The following ZNF45 variants were observed in gnomAD, a reference collection of about 807,000 sequenced individuals.
ZNF45 encodes zinc finger protein 45.
In ZNF45, 4 loss-of-function variants were observed where a neutral mutation model predicts 12.0. The observed-to-expected ratio is 0.33, with a 90% CI of 0.16 to 0.76. The LOEUF is 0.76. Ranked by LOEUF, ZNF45 falls within the 30% of genes least tolerant of loss-of-function variation. The pLI, the probability that ZNF45 is intolerant of heterozygous loss-of-function variation, is 0.60. For synonymous variants in ZNF45, 272 were observed against 279.6 expected (o/e 0.97, Z 0.27); for missense variants, 700 against 813.0 (o/e 0.86, Z 1.69).
intron 3 of ZNF45, among the ~76,000 whole-genome samples, chr19:43,928,123 G>A (rs897894841): frequency 6.8e-6 from 1 of 146,906 alleles, no homozygotes; most frequent in African/African-American, 2.5e-5. Context: ...CAAGCTTGTG[G>A]TGAGCCAAGA....
intron 7 of ZNF45, among the ~76,000 whole-genome samples, chr19:43,921,226 A>G (rs563154641): frequency 6.6e-6 from 1 of 152,334 alleles, no homozygotes; most frequent in East Asian, 1.9e-4. Context: ...ACAATTCTAC[A>G]GTCTTGTTTC....
At position 43,913,443 on chromosome 19, in the gene ZNF45, C is replaced by T. The variant is rs535298147; in HGVS notation, c.1993G>A (p.Asp665Asn). The T allele has an allele frequency of 5.0e-6, 8 of 1,592,832 alleles. No individual in the cohort carries two copies. In the East Asian group the frequency reaches 6.7e-5, roughly 13 times the overall value. Residue 665 changes from aspartate to asparagine, a missense_variant, in exon 10 of 10, where the codon GAT becomes AAT. Asp to Asn is a conservative substitution (Grantham distance 23). Coordinates refer to ENST00000269973, the MANE Select transcript of ZNF45 (RefSeq NM_003425.4). Reference protein sequence around the residue: ...LIIHQRVHADDEGDKDFPSSE... With the variant: ...LIIHQRVHADNEGDKDFPSSE... Reference sequence around the variant, plus strand: ...GAAGGAAAGTCCTTGTCACCCTCATCATCAGCATGGACTCGCTGATGAATG... The same window carrying T: ...GAAGGAAAGTCCTTGTCACCCTCATTATCAGCATGGACTCGCTGATGAATG...
At chr19:43,925,016 A>G (rs570783381) in intron 4 of ZNF45, 3 of 152,280 alleles carry the variant, frequency 2.0e-5, no homozygotes, top group African/African-American at 7.2e-5. Context: ...TTGAAGCCCT[A>G]ATGTGATGTT....
intron 3 of ZNF45, chr19:43,926,678 G>A (rs1973704497): frequency 6.6e-6 from 1 of 152,172 alleles, no homozygotes; most frequent in African/African-American, 2.4e-5. Flanking sequence ...GCATCCTTTA[G>A]CGGCATGAGG....
chr19:43,929,516 T>C (rs1973955750), intron 3 of ZNF45, among the ~76,000 whole-genome samples: 1 of 152,206 alleles, frequency 6.6e-6, no homozygotes, highest in Admixed American at 6.5e-5. Flanking sequence ...CCCCAGTTCC[T>C]TTCTCTGTCT....
chr19:43,925,932 C>CTG (rs1568460364), intron 3 of ZNF45, among the ~76,000 whole-genome samples: 1 of 152,206 alleles, frequency 6.6e-6, no homozygotes, highest in Non-Finnish European at 1.5e-5. Flanking sequence ...CACACCCAGC[C>CTG]TGAAATACTC....
intron 9 of ZNF45, among the ~76,000 whole-genome samples, chr19:43,916,813 C>G (rs534886456): frequency 2.9e-4 from 44 of 152,152 alleles, no homozygotes; most frequent in Non-Finnish European, 5.0e-4. Context: ...AAAGGTTTCA[C>G]CAGATTCAGG....
intron 3 of ZNF45, among the ~76,000 whole-genome samples, chr19:43,930,696 G>C (rs547447719): frequency 6.6e-6 from 1 of 152,284 alleles, no homozygotes; most frequent in Admixed American, 6.5e-5. Flanking sequence ...CAAATTCTCA[G>C]AATGAAAGGG....
At chr19:43,927,004 C>T (rs1973736160) in intron 3 of ZNF45, among the ~76,000 whole-genome samples, 1 of 152,108 alleles carries the variant, frequency 6.6e-6, no homozygotes, top group African/African-American at 2.4e-5. Flanking sequence ...CGGGAGGAGG[C>T]TTGAGGGGGA....
In ZNF45 at chr19:43,915,153, T is replaced by C; in HGVS notation, c.283A>G (p.Arg95Gly). Reference sequence around the variant, plus strand: ...AAAAGCTCTTCATGAGGCAGGTACCTTAATCCTACTTCTTGAAGAGTCTCC... The same window carrying C: ...AAAAGCTCTTCATGAGGCAGGTACCCTAATCCTACTTCTTGAAGAGTCTCC... Reference protein sequence around the residue: ...EMETLQEVGLRYLPHEELFCS... With the variant: ...EMETLQEVGLGYLPHEELFCS... Residue 95 changes from arginine to glycine, a missense_variant, in exon 10 of 10, where the codon AGG becomes GGG. Coordinates refer to ENST00000269973, the MANE Select transcript of ZNF45 (RefSeq NM_003425.4). 6.5e-7 allele frequency: 1 copy of C among 1,546,804 alleles called. No individual in the cohort carries two copies.
chr19:43,926,444 C>T (rs1973683578), intron 3 of ZNF45: 2 of 152,178 alleles, frequency 1.3e-5, no homozygotes. Flanking sequence ...AGAATGTGTC[C>T]CTTAAAATAC....
Position 43,913,239 on chromosome 19 carries a change from CAT to C in ZNF45, c.*146_*147del, listed in dbSNP as rs1169534014. 4 of 819,724 alleles carry C rather than the reference CAT, an allele frequency of 4.9e-6. No individual in the cohort carries two copies. The highest frequency in any genetic ancestry group is 7.4e-6 in the Non-Finnish European group (4 of 537,834). The allele number at this position is 819,724 out of a possible 1,614,324, so 50.8% of individuals were successfully genotyped here. ...AATGGTCAATGTTCTGAATGCAGTCCATATGTCTCCACTCTTGTGAGGCTTCT... is the reference window on the plus strand; with the variant it reads ...AATGGTCAATGTTCTGAATGCAGTCCATGTCTCCACTCTTGTGAGGCTTCT... On this transcript the variant is annotated 3_prime_UTR_variant, in exon 10 of 10. Transcript: ENST00000269973.
rs143520725 is a variant in ZNF45, at chr19:43,928,131, A to G, written c.-399-2673T>C. The stretch of plus-strand genomic sequence containing the variant: ...GGGAGGTCAAGCTTGTGGTGAGCCA[A>G]GATCGCACCATTGCACTCCAGTCTG... On this transcript the variant is annotated intron_variant, in intron 3 of 9. Coordinates refer to ENST00000269973, the MANE Select transcript of ZNF45 (RefSeq NM_003425.4). Among the ~76,000 whole-genome samples, 1,085 of 148,704 alleles carry G rather than the reference A, an allele frequency of 7.3e-3. 7 individuals are homozygous for G. The highest frequency in any genetic ancestry group is 0.024 in the African/African-American group (983 of 40,614).
chr19:43,914,609 T>A lies in ZNF45; in HGVS notation c.827A>T (p.Tyr276Phe). ...PLIVHTGEKP[Y>F]KCEECGVGFS... is the part of the protein sequence containing the mutation. The stretch of plus-strand genomic sequence containing the variant: ...GCCCACCCCACACTCCTCACATTTA[T>A]AGGGTTTCTCTCCCGTATGAACTAT... The change falls in exon 10 of 10, where the codon TAT becomes TTT. Residue 276 changes from tyrosine to phenylalanine, a missense_variant. Coordinates refer to ENST00000269973, the MANE Select transcript of ZNF45 (RefSeq NM_003425.4). The A allele has an allele frequency of 6.2e-7, 1 of 1,613,720 alleles. No individual in the cohort carries two copies. The highest frequency in any genetic ancestry group is 1.3e-5 in the African/African-American group (1 of 75,060).
At chr19:43,933,547 G>A (rs1399072259) in intron 2 of ZNF45, among the ~76,000 whole-genome samples, 1 of 152,098 alleles carries the variant, frequency 6.6e-6, no homozygotes, top group Admixed American at 6.6e-5. Flanking sequence ...AAATACTCAA[G>A]GGAAAAAAAG....
At chr19:43,933,000 G>A (rs551258034) in intron 2 of ZNF45, among the ~76,000 whole-genome samples, 2 of 152,308 alleles carry the variant, frequency 1.3e-5, no homozygotes, top group East Asian at 3.9e-4. Context: ...GGGAGCTCAC[G>A]CACACAGAGG....
At position 43,913,306 on chromosome 19, in the gene ZNF45, C is replaced by T. The variant is rs1972351436; in HGVS notation, c.*81G>A. On this transcript the variant is annotated 3_prime_UTR_variant, in exon 10 of 10. Coordinates refer to ENST00000269973, the MANE Select transcript of ZNF45 (RefSeq NM_003425.4). The stretch of plus-strand genomic sequence containing the variant: ...CCCAATCACTTGGCTGAACTACTGA[C>T]TCTATAAAACAAATGTTTTGTCTAT... 2.0e-6 allele frequency: 3 copies of T among 1,484,928 alleles called. No homozygotes were observed. The highest frequency in any genetic ancestry group is 2.8e-5 in the African/African-American group (2 of 71,204). 92.0% of individuals were successfully genotyped at this position (1,484,928 alleles called of 1,614,324 possible).
chr19:43,920,582 A>C (rs1599773419), intron 7 of ZNF45, among the ~76,000 whole-genome samples: 2 of 129,592 alleles, frequency 1.5e-5, no homozygotes, highest in Non-Finnish European at 3.2e-5. Context: ...ATAAAGAAGC[A>C]CTAGCATATC....
chr19:43,927,891 C>T (rs1973817703), intron 3 of ZNF45, among the ~76,000 whole-genome samples: 1 of 152,018 alleles, frequency 6.6e-6, no homozygotes, highest in Non-Finnish European at 1.5e-5. Context: ...AAAAGATGTC[C>T]TGGCTGGGCG....
Sources: allele counts gnomAD v4.1 joint callset (sites outside exome capture counted in the v4.1 genomes callset), GRCh38; gene constraint gnomAD v4.1.1; transcripts MANE v1.5; gene names NCBI Gene and HGNC (gene_info 2026-07-23, HGNC 2026-07-21).